TIAM1: variants seen among roughly 807,000 people sequenced by gnomAD.
TIAM1 encodes the protein TIAM Rac1 associated GEF 1.
A neutral mutation model predicts 163.5 loss-of-function variants in TIAM1; 65 were observed. The ratio of observed to expected loss-of-function variants is 0.40; its 90% confidence interval spans 0.33 to 0.49. The LOEUF (loss-of-function observed/expected upper bound fraction) is 0.49. Ranked by LOEUF, TIAM1 falls within the 20% of genes least tolerant of loss-of-function variation. The pLI is 0.77. For synonymous variants in TIAM1, 833 were observed against 810.1 expected (o/e 1.03, Z -0.48); for missense variants, 1,789 against 2,044.7 (o/e 0.87, Z 2.41).
chr21:31,543,308 C>T (rs531557828), intron 1 of TIAM1, among the ~76,000 whole-genome samples: 13 of 152,350 alleles, frequency 8.5e-5, no homozygotes, highest in African/African-American at 2.2e-4. Flanking sequence ...ATTCCAAGCT[C>T]GCGCTCTTGG....
intron 1 of TIAM1, among the ~76,000 whole-genome samples, chr21:31,497,060 T>C (rs1468269257): frequency 6.6e-6 from 1 of 152,194 alleles, no homozygotes; most frequent in Non-Finnish European, 1.5e-5. Context: ...CTCACCCACC[T>C]GCCACTCACC....
intron 1 of TIAM1, among the ~76,000 whole-genome samples, chr21:31,552,342 A>G (rs749123117): frequency 6.6e-6 from 1 of 152,182 alleles, no homozygotes; most frequent in Non-Finnish European, 1.5e-5. Context: ...TTTATGTCAG[A>G]AAAAATATTA....
rs1197469214 is a variant in TIAM1 at position 31,361,832 on chromosome 21, A to G, written c.-368-22410T>C. On this transcript the variant is annotated intron_variant, in intron 2 of 28. Transcript: ENST00000286827. Reference sequence around the variant, plus strand: ...ATTATCATAGATTCCTTTGAGGAAGAAAGATTAGATAGATAGATAGATAGA... The same window carrying G: ...ATTATCATAGATTCCTTTGAGGAAGGAAGATTAGATAGATAGATAGATAGA... Among the ~76,000 whole-genome samples the G allele has an allele frequency of 6.2e-5, 8 of 128,612 alleles. 1 individual carries two copies. The South Asian group carries it at 2.2e-3, about 36-fold the overall frequency. The allele number at this position is 128,612 out of a possible 152,430, so 84.4% of individuals were successfully genotyped here. A position where few individuals can be genotyped will look rare whatever the true frequency, so the allele number is the denominator to read the frequency against.
At chr21:31,348,939 A>G (rs1030413486), upstream of TIAM1, among the ~76,000 whole-genome samples, 1 of 152,218 alleles carries the variant, frequency 6.6e-6, no homozygotes, top group Admixed American at 6.5e-5. Flanking sequence ...TAACAAATAC[A>G]TAGAGATATT....
At chr21:31,224,760 C>A (rs924221288) in intron 7 of TIAM1, among the ~76,000 whole-genome samples, 1 of 152,080 alleles carries the variant, frequency 6.6e-6, no homozygotes, top group East Asian at 1.9e-4. Context: ...CAAAGGGAAA[C>A]CCCAGAGGGA....
In TIAM1 at chr21:31,197,379, C is replaced by CTT. The variant is rs1258537968; in HGVS notation, c.2494-2076_2494-2075dup. ...TAATCAATATTTCATTTTCTTTTTT[C>CTT]TTTTTTTTTTTTTTGAGACGGAGTC... On this transcript the variant is annotated intron_variant, in intron 12 of 27. Coordinates refer to ENST00000541036, the MANE Select transcript of TIAM1 (RefSeq NM_001353694.2). Among the ~76,000 whole-genome samples the CTT allele has an allele frequency of 1.5e-3, 215 of 142,592 alleles. 2 individuals are homozygous for CTT. Among genetic ancestry groups the CTT allele is most frequent in the African/African-American group, 5.1e-3 (195 of 38,322 alleles). 93.5% of individuals were successfully genotyped at this position (142,592 alleles called of 152,430 possible).
In TIAM1 at chr21:31,245,690, G is replaced by A. The variant is rs998384096; in HGVS notation, c.1412-30C>T. The A allele has an allele frequency of 2.0e-6, 3 of 1,466,776 alleles. No individual in the cohort carries two copies. In the East Asian group the frequency reaches 7.7e-5, roughly 38 times the overall value. 90.9% of individuals were successfully genotyped at this position (1,466,776 alleles called of 1,614,324 possible). On this transcript the variant is annotated intron_variant, in intron 5 of 27. Transcript: ENST00000541036. ...GGAAACAGAACAGGGGTGTGCATGA[G>A]TATTCAGTGCTTGGGAAACAAAAGA...
intron 2 of TIAM1, among the ~76,000 whole-genome samples, chr21:31,429,814 G>A (rs113640989): frequency 0.29 from 2,787 of 9,610 alleles, 86 homozygotes; most frequent in African/African-American, 0.45. Context: ...GCTCCACCGC[G>A]AACTGGCTCC....
intron 2 of TIAM1, among the ~76,000 whole-genome samples, chr21:31,381,118 C>G (rs1054669914): frequency 6.6e-6 from 1 of 152,188 alleles, no homozygotes. Context: ...CAGTCCCTTT[C>G]TTCTATTAGA....
At chr21:31,279,437 G>C (rs138246336) in intron 2 of TIAM1, among the ~76,000 whole-genome samples, 1,570 of 152,290 alleles carry the variant, frequency 0.01, 14 homozygotes, top group Non-Finnish European at 0.017. Context: ...CAGTACTCTG[G>C]GTTTTCTCCA....
Position 31,545,890 on chromosome 21 carries a change from G to A in TIAM1, c.-422+13037C>T, listed in dbSNP as rs77648654. On this transcript the variant is annotated intron_variant, in intron 1 of 28. Transcript: ENST00000286827. ...ACAAAACGAGAAAATATGACTTTGG[G>A]GGGCTTAAGTGTCCACTAGTCACAC... Among the ~76,000 whole-genome samples the A allele has an allele frequency of 9.7e-3, 1,481 of 152,186 alleles. 14 individuals are homozygous for A. Among genetic ancestry groups the A allele is most frequent in the Non-Finnish European group, 0.014 (982 of 68,020 alleles).
chr21:31,527,447 A>T (rs2047825385), intron 1 of TIAM1, among the ~76,000 whole-genome samples: 1 of 152,140 alleles, frequency 6.6e-6, no homozygotes, highest in Admixed American at 6.6e-5. Context: ...TTTAAACTAC[A>T]ATCTATTATT....
In TIAM1 at chr21:31,515,674, C is replaced by A. The variant is rs562359467; in HGVS notation, c.-422+43253G>T. Among the ~76,000 whole-genome samples the A allele has an allele frequency of 2.0e-5, 3 of 152,276 alleles. No homozygotes were observed. In the East Asian group the frequency reaches 5.8e-4, roughly 29 times the overall value. On this transcript the variant is annotated intron_variant, in intron 1 of 28. Transcript: ENST00000286827. The stretch of plus-strand genomic sequence containing the variant: ...TCCACCACCATCTTCAGACATGCAG[C>A]GCCAGCAACACCCAGGAATCCTGCA...
intron 13 of TIAM1, among the ~76,000 whole-genome samples, chr21:31,189,290 A>T (rs1448591542): frequency 6.6e-6 from 1 of 151,826 alleles, no homozygotes; most frequent in Non-Finnish European, 1.5e-5. Context: ...CCTGACTTCA[A>T]GTGATCCACC....
intron 1 of TIAM1, among the ~76,000 whole-genome samples, chr21:31,483,523 GCTGCTTCTACTGACAGT>G (rs955665340): frequency 2.0e-5 from 3 of 152,112 alleles, no homozygotes; most frequent in African/African-American, 7.2e-5. Context: ...AGTAGAAGCA[GCTGCTTCTACTGACAGT>G]CTCTTCCATT....
Position 31,193,843 on chromosome 21 carries a change from C to T in TIAM1, c.2575+1381G>A, listed in dbSNP as rs146253401. On this transcript the variant is annotated intron_variant, in intron 13 of 27. Transcript: ENST00000541036. ...CTGGGACTAAGCATGTTCAAAATGG[C>T]GGCTCCATCCTCTCTTCTCTTTGTC... Among the ~76,000 whole-genome samples the T allele has an allele frequency of 9.0e-3, 1,364 of 152,234 alleles. 7 individuals are homozygous for T. The highest frequency in any genetic ancestry group is 0.013 in the Non-Finnish European group (900 of 68,022).
intron 4 of TIAM1, 35 bp from the exon 5 acceptor site, chr21:31,252,224 C>CGTCACGTGGAGAAGGAACCCAGG (rs771305137): frequency 6.3e-7 from 1 of 1,580,174 alleles, no homozygotes; most frequent in Non-Finnish European, 8.6e-7. Flanking sequence ...AGAAGACAAG[C>CGTCACGTGGAGAAGGAACCCAGG]GTCACGTGGA....
intron 2 of TIAM1, among the ~76,000 whole-genome samples, chr21:31,351,388 C>T (rs930630918): frequency 2.6e-5 from 4 of 152,188 alleles, no homozygotes; most frequent in African/African-American, 9.7e-5. Flanking sequence ...ATAAAATGAA[C>T]ATTCAATGCA....
intron 1 of TIAM1, among the ~76,000 whole-genome samples, chr21:31,518,905 G>T (rs1229487058): frequency 1.3e-5 from 2 of 152,302 alleles, no homozygotes; most frequent in East Asian, 3.9e-4. Context: ...ATGTAGTCTG[G>T]ATTTCAAATA....
Sources: allele counts gnomAD v4.1 joint callset (sites outside exome capture counted in the v4.1 genomes callset), GRCh38; gene constraint gnomAD v4.1.1; transcripts MANE v1.5; gene names NCBI Gene and HGNC (gene_info 2026-07-23, HGNC 2026-07-21).